Variants in TAFA1 observed in about 807,000 individuals in gnomAD.
TAFA1 encodes the protein chemokine-like protein TAFA-1.
TAFA1 carries 4 observed loss-of-function variants against 18.5 expected under a neutral mutation model. The ratio of observed to expected loss-of-function variants is 0.22; its 90% CI spans 0.11 to 0.49. The LOEUF (loss-of-function observed/expected upper bound fraction) is 0.49. Among genes scored for constraint, TAFA1 ranks in the 20% least tolerant of loss-of-function variants. The probability of loss-of-function intolerance (pLI) is 0.98; values close to 1 mark genes in which losing one functional copy is unlikely to be tolerated. For missense variants in TAFA1, 147 were observed against 169.0 expected (o/e 0.87, Z 0.72); for synonymous variants, 56 against 55.2 (o/e 1.01, Z -0.06).
intron 2 of TAFA1, among the ~76,000 whole-genome samples, chr3:68,391,167 A>G (rs1420523783): frequency 1.3e-5 from 2 of 152,170 alleles, no homozygotes; most frequent in Non-Finnish European, 2.9e-5. Context: ...AAGAACATAA[A>G]TGACCTGATG....
At chr3:68,172,211 C>G (rs1054141935) in intron 2 of TAFA1, among the ~76,000 whole-genome samples, 2 of 152,148 alleles carry the variant, frequency 1.3e-5, no homozygotes, top group Non-Finnish European at 1.5e-5. Context: ...AACAGAGAAA[C>G]ATGACTTATC....
chr3:68,503,852 A>C (rs1481246028), intron 3 of TAFA1, among the ~76,000 whole-genome samples: 1 of 152,150 alleles, frequency 6.6e-6, no homozygotes, highest in Non-Finnish European at 1.5e-5. Context: ...ATATTTGAAC[A>C]AAATGCTTAA....
chr3:68,120,173 CTTTCTTTCTTTCTT>C (rs2065374267), intron 2 of TAFA1, among the ~76,000 whole-genome samples: 2 of 16,458 alleles, frequency 1.2e-4, no homozygotes, highest in East Asian at 1.7e-3. Context: ...CTTTCTTTCT[CTTTCTTTCTTTCTT>C]TCTTTCTTTC....
At chr3:68,386,470 C>G (rs966544154) in intron 2 of TAFA1, among the ~76,000 whole-genome samples, 1 of 152,094 alleles carries the variant, frequency 6.6e-6, no homozygotes, top group Non-Finnish European at 1.5e-5. Context: ...GAAAAGTCCA[C>G]ATTTGGGTCA....
chr3:68,303,395 G>A (rs191383315), intron 2 of TAFA1, among the ~76,000 whole-genome samples: 4 of 152,108 alleles, frequency 2.6e-5, no homozygotes, highest in African/African-American at 9.7e-5. Flanking sequence ...TGCCTAAAGA[G>A]GAAACAAAAC....
chr3:68,537,346 G>A (rs1368007165), intron 3 of TAFA1, among the ~76,000 whole-genome samples: 1 of 152,056 alleles, frequency 6.6e-6, no homozygotes, highest in Non-Finnish European at 1.5e-5. Context: ...CCCCCTAATG[G>A]CATATAAAAA....
At chr3:68,061,718 A>G (rs1456772017) in intron 2 of TAFA1, among the ~76,000 whole-genome samples, 1 of 152,202 alleles carries the variant, frequency 6.6e-6, no homozygotes, top group Non-Finnish European at 1.5e-5. Flanking sequence ...AAGAGCAGAT[A>G]TGTACATGAA....
intron 2 of TAFA1, among the ~76,000 whole-genome samples, chr3:68,236,182 CAAGGAAAAGGGCCACTCATAATA>C (rs1239521772): frequency 2.0e-5 from 3 of 152,210 alleles, no homozygotes; most frequent in East Asian, 3.9e-4. Flanking sequence ...AGGACAGAAC[CAAGGAAAAGGGCCACTCATAATA>C]AAGGTGGACA....
chr3:68,444,740 T>G (rs1486571264), intron 3 of TAFA1, among the ~76,000 whole-genome samples: 1 of 146,868 alleles, frequency 6.8e-6, no homozygotes, highest in Admixed American at 6.9e-5. Context: ...TAGACCAGCC[T>G]GGGCAACACA....
intron 2 of TAFA1, among the ~76,000 whole-genome samples, chr3:68,021,799 C>T (rs985779626): frequency 9.9e-5 from 15 of 152,064 alleles, no homozygotes; most frequent in Non-Finnish European, 1.6e-4. Context: ...ATAGTTAAAA[C>T]CATGGTTTAA....
At chr3:68,265,919 G>A (rs1304772721) in intron 2 of TAFA1, among the ~76,000 whole-genome samples, 2 of 152,116 alleles carry the variant, frequency 1.3e-5, no homozygotes, top group Non-Finnish European at 2.9e-5. Context: ...GAAAGTAAAA[G>A]TTCAGAATAT....
At chr3:68,083,603 A>C (rs180734646) in intron 2 of TAFA1, among the ~76,000 whole-genome samples, 23 of 152,294 alleles carry the variant, frequency 1.5e-4, no homozygotes, top group Admixed American at 1.5e-3. Context: ...CAACTTGTGA[A>C]CAGGCATTCT....
intron 2 of TAFA1, among the ~76,000 whole-genome samples, chr3:68,030,460 C>T (rs138812163): frequency 3.9e-5 from 6 of 152,036 alleles, no homozygotes; most frequent in South Asian, 4.1e-4. Flanking sequence ...TTCCCCTCCT[C>T]GTGTCCATGT....
At chr3:68,032,810 G>A (rs926252550) in intron 2 of TAFA1, among the ~76,000 whole-genome samples, 1 of 152,060 alleles carries the variant, frequency 6.6e-6, no homozygotes, top group Non-Finnish European at 1.5e-5. Context: ...TCTTCCTTAG[G>A]ACCTACAGAG....
At chr3:68,238,940 G>A (rs1056252788) in intron 2 of TAFA1, among the ~76,000 whole-genome samples, 2 of 152,084 alleles carry the variant, frequency 1.3e-5, no homozygotes, top group Non-Finnish European at 2.9e-5. Context: ...TTCTTTGGGG[G>A]TGAAGGCTTT....
intron 2 of TAFA1, among the ~76,000 whole-genome samples, chr3:68,174,484 G>C (rs2066099049): frequency 6.6e-6 from 1 of 152,206 alleles, no homozygotes; most frequent in African/African-American, 2.4e-5. Flanking sequence ...GTGGTCTCCG[G>C]TGGAGATGAG....
At chr3:68,373,113 A>G (rs113702099) in intron 2 of TAFA1, among the ~76,000 whole-genome samples, 2,841 of 152,234 alleles carry the variant, frequency 0.019, 37 homozygotes, top group Non-Finnish European at 0.03. Context: ...AGCCCCTAAC[A>G]CAGTGCCTGG....
At chr3:68,282,219 C>T (rs1473426747) in intron 2 of TAFA1, among the ~76,000 whole-genome samples, 1 of 152,140 alleles carries the variant, frequency 6.6e-6, no homozygotes, top group Non-Finnish European at 1.5e-5. Context: ...ATTATGGGAA[C>T]TATAAATCAA....
intron 2 of TAFA1, among the ~76,000 whole-genome samples, chr3:68,077,589 T>C (rs1310437289): frequency 6.6e-6 from 1 of 151,810 alleles, no homozygotes; most frequent in Non-Finnish European, 1.5e-5. Flanking sequence ...TGCTTGTTTT[T>C]CTCAGGTTTG....
Sources: gnomAD v4.1 joint callset for allele counts (sites outside exome capture counted in the v4.1 genomes callset) on GRCh38, gnomAD v4.1.1 for gene constraint, MANE v1.5 for transcripts, NCBI Gene and HGNC (gene_info 2026-07-23, HGNC 2026-07-21) for gene names.